The following CCT3 variants were observed in gnomAD, a reference collection of about 807,000 sequenced individuals.
CCT3 encodes chaperonin containing TCP1 subunit 3, also known as T-complex protein 1 subunit gamma.
In CCT3, 10 loss-of-function variants were observed where a neutral mutation model predicts 65.3. That is an observed-to-expected ratio of 0.15 (90% CI 0.09 to 0.26). The LOEUF (loss-of-function observed/expected upper bound fraction) is 0.26. Among genes scored for constraint, CCT3 ranks in the 10% least tolerant of loss-of-function variants. The pLI is 1.00. For synonymous variants in CCT3, 225 were observed against 242.3 expected, an observed-to-expected ratio of 0.93 and a Z score of 0.66; for missense variants, 626 against 708.7, an observed-to-expected ratio of 0.88 and a Z score of 1.33.
intron 11 of CCT3, 128 bp downstream of exon 11, chr1:156,311,913 G>T: frequency 1.8e-6 from 1 of 569,402 alleles, no homozygotes; most frequent in Non-Finnish European, 2.7e-6. Flanking sequence ...AGCAGAAAAG[G>T]AATTTGTGGC....
intron 1 of CCT3, 21 bp downstream of exon 1, chr1:156,338,133 C>T (rs778760116): frequency 1.3e-6 from 2 of 1,578,998 alleles, no homozygotes; most frequent in African/African-American, 1.3e-5. Context: ...GGGTCCATTT[C>T]CTGGCATCCC....
intron 10 of CCT3, among the ~76,000 whole-genome samples, chr1:156,316,598 T>G (rs1355318464): frequency 6.6e-6 from 1 of 152,254 alleles, no homozygotes; most frequent in African/African-American, 2.4e-5. Context: ...TGGTGGCGCA[T>G]GCCAATAGTT....
In CCT3 at chr1:156,317,558, A is replaced by C; in HGVS notation, c.760-11T>G. On this transcript the variant is annotated splice_polypyrimidine_tract_variant and intron_variant, in intron 8 of 13. Coordinates refer to ENST00000295688, the MANE Select transcript of CCT3 (RefSeq NM_005998.5). Reference sequence around the variant, plus strand: ...AATCTCAATGTCAGTCTGTGTGGTAAAGAAAAGACACTGATTTTAAAATCC... The same window carrying C: ...AATCTCAATGTCAGTCTGTGTGGTACAGAAAAGACACTGATTTTAAAATCC... The C allele has an allele frequency of 6.2e-7, 1 of 1,607,126 alleles. No individual in the cohort carries two copies. The highest frequency in any genetic ancestry group is 8.5e-7 in the Non-Finnish European group (1 of 1,174,810).
chr1:156,338,190 C>T lies in CCT3; in HGVS notation c.-6G>A. The T allele has an allele frequency of 6.3e-7, 1 of 1,587,360 alleles. No individual in the cohort carries two copies. The highest frequency in any genetic ancestry group is 8.6e-7 in the Non-Finnish European group (1 of 1,168,562). ...ACTGGACGATGGCCCATCATGGCGA[C>T]GCGATGCAGAGCCGGGTACCCAGAG... is the stretch of plus-strand genomic sequence containing the variant. On this transcript the variant is annotated 5_prime_UTR_variant, in exon 1 of 14. Coordinates refer to ENST00000295688, the MANE Select transcript of CCT3 (RefSeq NM_005998.5).
intron 12 of CCT3, 47 bp from the exon 13 acceptor site, chr1:156,310,736 C>T (rs372792072): frequency 1.2e-4 from 195 of 1,605,008 alleles, no homozygotes; most frequent in Non-Finnish European, 1.5e-4. Context: ...TAACAGGAAA[C>T]ATCAGGTAAG....
intron 5 of CCT3, among the ~76,000 whole-genome samples, chr1:156,329,912 C>T (rs1425671746): frequency 2.6e-5 from 4 of 151,128 alleles, no homozygotes; most frequent in Admixed American, 2.6e-4. Flanking sequence ...GCACTCCAGC[C>T]TGGGCGACAG....
At chr1:156,312,017 G>C (rs747499885) in intron 11 of CCT3, 24 bp downstream of exon 11, 1 of 1,585,436 alleles carries the variant, frequency 6.3e-7, no homozygotes, top group Non-Finnish European at 8.6e-7. Context: ...ACTTCATCTG[G>C]TCATACATCC....
rs920209363 is a variant in CCT3 at position 156,313,084 on chromosome 1, C to T, written c.975-863G>A. 2.0e-5 allele frequency among the ~76,000 whole-genome samples: 3 copies of T among 152,144 alleles called. No individual in the cohort carries two copies. In the East Asian group the frequency reaches 5.8e-4, roughly 29 times the overall value. The stretch of plus-strand genomic sequence containing the variant: ...GAGGGCTGGGCTTGGTGGCTTACGC[C>T]TGTAATCCTAACACTTTGGAAGGCC... On this transcript the variant is annotated intron_variant, in intron 10 of 13. Coordinates refer to ENST00000295688, the MANE Select transcript of CCT3 (RefSeq NM_005998.5).
intron 5 of CCT3, among the ~76,000 whole-genome samples, chr1:156,325,969 T>C (rs868842124): frequency 2.6e-5 from 4 of 152,164 alleles, no homozygotes; most frequent in African/African-American, 9.7e-5. Context: ...TGTTTATTAG[T>C]ACCTTTATAC....
chr1:156,310,565 G>A lies in CCT3; in HGVS notation c.1526C>T (p.Ala509Val), dbSNP rs771324645. Residue 509 changes from alanine to valine, a missense_variant, in exon 13 of 14, where the codon GCA becomes GTA. By Grantham distance (64) the Ala-to-Val change is moderately conservative. Transcript: ENST00000295688. ...TATCTTAGGGTGCCTTACCTCCACT[G>A]CTGTCTTATAAGTCTGCAGCTTCAC... ...LAVKLQTYKTAVETAVLLLRI... is the reference protein window; with the variant it reads ...LAVKLQTYKTVVETAVLLLRI... 8.7e-6 allele frequency: 14 copies of A among 1,612,188 alleles called. No homozygotes were observed. Among genetic ancestry groups the A allele is most frequent in the Non-Finnish European group, 1.2e-5 (14 of 1,178,774 alleles).
chr1:156,317,316 C>T, intron 9 of CCT3, 69 bp from the exon 10 acceptor site: 7 of 1,598,886 alleles, frequency 4.4e-6, no homozygotes, highest in South Asian at 3.3e-5. Context: ...TACTCTTAAC[C>T]ATGACACTAT....
At chr1:156,320,578 T>G (rs1359689622) in intron 7 of CCT3, among the ~76,000 whole-genome samples, 7 of 152,076 alleles carry the variant, frequency 4.6e-5, no homozygotes, top group Admixed American at 4.6e-4. Flanking sequence ...GACCCTCATC[T>G]CTACAAAAAG....
At chr1:156,311,256 C>T in intron 11 of CCT3, 61 bp from the exon 12 acceptor site, 1 of 1,545,428 alleles carries the variant, frequency 6.5e-7, no homozygotes, top group Non-Finnish European at 8.8e-7. Context: ...ATCGGAGGCA[C>T]CAAAAGGACT....
In CCT3 at chr1:156,323,811, G is replaced by A. The variant is rs111858346; in HGVS notation, c.422+1161C>T. Reference sequence around the variant, plus strand: ...TGGAGTTTTGTTGTTCGCCCAGGCTGGAGTGCAATGGTGCGATCCTGGCTC... The same window carrying A: ...TGGAGTTTTGTTGTTCGCCCAGGCTAGAGTGCAATGGTGCGATCCTGGCTC... On this transcript the variant is annotated intron_variant, in intron 6 of 13. Coordinates refer to ENST00000295688, the MANE Select transcript of CCT3 (RefSeq NM_005998.5). Among the ~76,000 whole-genome samples, 190 of 151,802 alleles carry A rather than the reference G, an allele frequency of 1.3e-3. 1 individual carries two copies. The highest frequency in any genetic ancestry group is 4.4e-3 in the African/African-American group (181 of 41,400).
chr1:156,309,834 C>T (rs895750723), intron 13 of CCT3, among the ~76,000 whole-genome samples: 3 of 151,320 alleles, frequency 2.0e-5, no homozygotes, highest in Admixed American at 6.6e-5. Context: ...GTCAGGAGTT[C>T]GAGACCAGCC....
chr1:156,338,240 G>C lies in CCT3; in HGVS notation c.-56C>G, dbSNP rs890924265. 1 of 1,540,822 alleles carries C rather than the reference G, an allele frequency of 6.5e-7. No individual in the cohort carries two copies. On this transcript the variant is annotated 5_prime_UTR_variant, in exon 1 of 14. Transcript: ENST00000295688. ...GCTGGGGGAACCGGCAGAACCTTCT[G>C]GAGAGAGAGAACCAGACAGAAGCCC...
At chr1:156,327,899 C>T (rs1380075341) in intron 5 of CCT3, among the ~76,000 whole-genome samples, 16 of 146,744 alleles carry the variant, frequency 1.1e-4, no homozygotes, top group Non-Finnish European at 1.6e-4. Context: ...TCTGCCCCAC[C>T]GCCCCGTCTG....
chr1:156,310,660 G>A lies in CCT3; in HGVS notation c.1431C>T (p.Thr477=), dbSNP rs772287582. Residue 477 remains threonine (T), a synonymous_variant, in exon 13 of 14, where the codon ACC becomes ACT. Coordinates refer to ENST00000295688, the MANE Select transcript of CCT3 (RefSeq NM_005998.5). The part of the protein sequence containing the change: ...RAKHTQENCE[T]WGVNGETGTL... The stretch of plus-strand genomic sequence containing the variant: ...TACCCGTCTCACCATTTACACCCCA[G>A]GTCTCACAGTTCTCCTGGGTGTGCT... 1.2e-6 allele frequency: 2 copies of A among 1,613,830 alleles called. No homozygotes were observed. The highest frequency in any genetic ancestry group is 1.7e-6 in the Non-Finnish European group (2 of 1,179,908).
Position 156,312,018 on chromosome 1 carries a change from T to C in CCT3, c.1155+23A>G. On this transcript the variant is annotated intron_variant, in intron 11 of 13. Coordinates refer to ENST00000295688, the MANE Select transcript of CCT3 (RefSeq NM_005998.5). ...AAGTTCAGTGATCTACTTCATCTGGTCATACATCCAAGGCTGACTCACCGA... is the reference window on the plus strand; with the variant it reads ...AAGTTCAGTGATCTACTTCATCTGGCCATACATCCAAGGCTGACTCACCGA... 1.9e-6 allele frequency: 3 copies of C among 1,589,590 alleles called. No homozygotes were observed. In the South Asian group the frequency reaches 3.4e-5, roughly 18 times the overall value.
Sources: gnomAD v4.1 joint callset for allele counts (sites outside exome capture counted in the v4.1 genomes callset) on GRCh38, gnomAD v4.1.1 for gene constraint, MANE v1.5 for transcripts, NCBI Gene and HGNC (gene_info 2026-07-23, HGNC 2026-07-21) for gene names.